Variants in FSTL5 observed in about 807,000 individuals in gnomAD.
FSTL5 encodes follistatin like 5, also known as follistatin-related protein 5.
In FSTL5, 62 loss-of-function variants were observed where a neutral mutation model predicts 89.1. That is an observed-to-expected ratio of 0.70 (90% CI 0.57 to 0.86). The LOEUF is 0.86. FSTL5 is among the 40% of genes least tolerant of loss of function. FSTL5 has a pLI of 0.00. For missense variants in FSTL5, 1,057 were observed against 1,001.6 expected (o/e 1.06, Z -0.75); for synonymous variants, 383 against 346.2 (o/e 1.11, Z -1.18).
At chr4:161,900,195 AAAAAG>A (rs1269997338) in intron 4 of FSTL5, among the ~76,000 whole-genome samples, 2 of 151,930 alleles carry the variant, frequency 1.3e-5, no homozygotes, top group African/African-American at 2.4e-5. Context: ...GCTCTGTCTC[AAAAAG>A]AAAAGAAAAG....
At chr4:162,120,215 G>A (rs1220246689) in intron 1 of FSTL5, among the ~76,000 whole-genome samples, 1 of 152,076 alleles carries the variant, frequency 6.6e-6, no homozygotes, top group African/African-American at 2.4e-5. Flanking sequence ...AAACGTACAG[G>A]AATTTGAGCT....
intron 4 of FSTL5, among the ~76,000 whole-genome samples, chr4:161,834,406 C>T (rs552142554): frequency 6.6e-6 from 1 of 152,136 alleles, no homozygotes; most frequent in Non-Finnish European, 1.5e-5. Flanking sequence ...CAGGGATGCC[C>T]TCTCTCACCA....
At chr4:161,641,271 T>G (rs920066668) in intron 7 of FSTL5, among the ~76,000 whole-genome samples, 2 of 152,212 alleles carry the variant, frequency 1.3e-5, no homozygotes, top group African/African-American at 4.8e-5. Context: ...TTCTACATGA[T>G]AAAAGCTCAA....
In FSTL5 at chr4:161,386,085, T is replaced by C; in HGVS notation, c.2206A>G (p.Asn736Asp). The change falls in exon 16 of 16, where the codon AAT becomes GAT. Residue 736 changes from asparagine (N) to aspartate (D), a missense_variant. Physicochemically the swap from Asn to Asp is conservative, Grantham distance 23. Coordinates refer to ENST00000306100, the MANE Select transcript of FSTL5 (RefSeq NM_020116.5). ...AATGCCAGATCAGATATGTGCAGAT[T>C]TGTGTAAATATCAAAAGCCTCCTGT... The part of the protein sequence containing the change: ...EIQEAFDIYT[N>D]LHISDLAFQP... 1.2e-6 allele frequency: 2 copies of C among 1,614,034 alleles called. No individual in the cohort carries two copies. Among genetic ancestry groups the C allele is most frequent in the Non-Finnish European group, 1.7e-6 (2 of 1,179,966 alleles).
At chr4:161,529,488 C>T (rs1354154665) in intron 10 of FSTL5, among the ~76,000 whole-genome samples, 1 of 142,078 alleles carries the variant, frequency 7.0e-6, no homozygotes, top group Non-Finnish European at 1.5e-5. Flanking sequence ...CATGACTCTT[C>T]ATCTTAAGAC....
At chr4:162,060,413 G>T (rs113339023) in intron 2 of FSTL5, among the ~76,000 whole-genome samples, 1 of 151,910 alleles carries the variant, frequency 6.6e-6, no homozygotes, top group Non-Finnish European at 1.5e-5. Flanking sequence ...AGAGCATTTT[G>T]CTTAGTTTAT....
chr4:161,749,708 C>T (rs560871838), intron 6 of FSTL5, among the ~76,000 whole-genome samples: 1 of 151,874 alleles, frequency 6.6e-6, no homozygotes, highest in East Asian at 1.9e-4. Context: ...AGGAGAATGG[C>T]GTGAACCCGA....
intron 7 of FSTL5, among the ~76,000 whole-genome samples, chr4:161,604,201 A>G (rs1226138106): frequency 6.6e-6 from 1 of 152,022 alleles, no homozygotes; most frequent in Non-Finnish European, 1.5e-5. Context: ...AGTTCTCTTA[A>G]TAGATATTTT....
intron 7 of FSTL5, among the ~76,000 whole-genome samples, chr4:161,591,651 T>TG (rs2126611780): frequency 6.6e-6 from 1 of 152,300 alleles, no homozygotes; most frequent in South Asian, 2.1e-4. Flanking sequence ...GAAACACTCT[T>TG]GCATTCTAAA....
At position 161,593,905 on chromosome 4, in the gene FSTL5, A is replaced by G. The variant is rs184169410; in HGVS notation, c.895-6330T>C. 1.7e-3 allele frequency among the ~76,000 whole-genome samples: 257 copies of G among 152,244 alleles called. 1 individual carries two copies. Among genetic ancestry groups the G allele is most frequent in the African/African-American group, 5.9e-3 (247 of 41,566 alleles). The stretch of plus-strand genomic sequence containing the variant: ...CAGGCTACCATTAAAAACAGGGCTC[A>G]TACAGACAGAACACTGTTAAGGAAC... On this transcript the variant is annotated intron_variant, in intron 7 of 15. Transcript: ENST00000306100.
At chr4:161,929,396 T>C (rs1383738837) in intron 3 of FSTL5, among the ~76,000 whole-genome samples, 2 of 151,872 alleles carry the variant, frequency 1.3e-5, no homozygotes, top group East Asian at 3.9e-4. Flanking sequence ...TGAAGTCAGA[T>C]AGCTCAATAT....
chr4:162,081,029 G>A (rs1730071541), intron 2 of FSTL5, among the ~76,000 whole-genome samples: 1 of 151,586 alleles, frequency 6.6e-6, no homozygotes, highest in Non-Finnish European at 1.5e-5. Context: ...TTCCAAGTGT[G>A]AAATAGACCA....
intron 12 of FSTL5, among the ~76,000 whole-genome samples, chr4:161,482,411 C>A (rs1729544004): frequency 6.6e-6 from 1 of 152,036 alleles, no homozygotes; most frequent in Admixed American, 6.6e-5. Context: ...TTTTGTCTGA[C>A]AATTAACAAC....
At chr4:162,028,574 C>CTAAA (rs1276519384) in intron 3 of FSTL5, among the ~76,000 whole-genome samples, 2 of 152,050 alleles carry the variant, frequency 1.3e-5, no homozygotes, top group South Asian at 2.1e-4. Context: ...GAGGCTCTGT[C>CTAAA]TAAATAAATA....
Position 161,726,071 on chromosome 4 carries a change from T to C in FSTL5, c.727+33340A>G, listed in dbSNP as rs1739391523. On this transcript the variant is annotated intron_variant, in intron 6 of 15. Coordinates refer to ENST00000306100, the MANE Select transcript of FSTL5 (RefSeq NM_020116.5). ...AAGCTGGTGAGGAGCAGAATTAAAA[T>C]GTAAACACAAGCTATCTGGTTCTAC... Among the ~76,000 whole-genome samples the C allele has an allele frequency of 2.6e-5, 4 of 152,254 alleles. No individual in the cohort carries two copies. The South Asian group carries it at 8.3e-4, about 32-fold the overall frequency.
intron 10 of FSTL5, among the ~76,000 whole-genome samples, chr4:161,533,848 A>T (rs556251101): frequency 9.8e-4 from 149 of 152,190 alleles, no homozygotes; most frequent in Non-Finnish European, 1.9e-3. Context: ...GTACTAGCAA[A>T]CTGAACCCAG....
chr4:161,797,182 T>C (rs568197816), intron 4 of FSTL5, among the ~76,000 whole-genome samples: 1 of 151,846 alleles, frequency 6.6e-6, no homozygotes, highest in East Asian at 1.9e-4. Context: ...GATGTAATAC[T>C]GCCTATCTCT....
intron 3 of FSTL5, among the ~76,000 whole-genome samples, chr4:161,951,829 T>C: frequency 6.6e-6 from 1 of 152,028 alleles, no homozygotes; most frequent in Non-Finnish European, 1.5e-5. Context: ...TTTGTACATA[T>C]GAATTTCCAT....
chr4:161,555,511 T>C (rs1732357441), intron 8 of FSTL5, among the ~76,000 whole-genome samples: 1 of 151,632 alleles, frequency 6.6e-6, no homozygotes, highest in African/African-American at 2.4e-5. Flanking sequence ...ATATCTAATT[T>C]AGAGATCAGG....
Sources: gnomAD v4.1 joint callset for allele counts (sites outside exome capture counted in the v4.1 genomes callset) on GRCh38, gnomAD v4.1.1 for gene constraint, MANE v1.5 for transcripts, NCBI Gene and HGNC (gene_info 2026-07-23, HGNC 2026-07-21) for gene names.